CAPN3: variants seen among roughly 807,000 people sequenced by gnomAD.
CAPN3 encodes the protein calpain 3, also known as calpain-3.
A neutral mutation model predicts 114.0 loss-of-function variants in CAPN3; 88 were observed. The ratio of observed to expected loss-of-function variants is 0.77; its 90% CI spans 0.65 to 0.92. The LOEUF is 0.92. CAPN3 is among the 40% of genes least tolerant of loss of function. CAPN3 has a pLI of 0.00. For missense variants in CAPN3, 1,028 were observed against 1,069.0 expected (o/e 0.96, Z 0.53); for synonymous variants, 386 against 382.9 (o/e 1.01, Z -0.09).
At chr15:42,380,751 A>ATATATATATT (rs1436943739) in intron 1 of CAPN3, among the ~76,000 whole-genome samples, 1 of 64,486 alleles carries the variant, frequency 1.6e-5, no homozygotes, top group African/African-American at 9.0e-5. Context: ...ATATATATAT[A>ATATATATATT]TTTTTTTTTT....
intron 1 of CAPN3, among the ~76,000 whole-genome samples, chr15:42,380,751 A>ATATTT (rs1436943739): frequency 4.7e-5 from 3 of 64,458 alleles, no homozygotes; most frequent in African/African-American, 2.7e-4. Context: ...ATATATATAT[A>ATATTT]TTTTTTTTTT....
Position 42,409,778 on chromosome 15 carries a change from C to A in CAPN3, c.1993-9C>A. On this transcript the variant is annotated splice_polypyrimidine_tract_variant and intron_variant, in intron 17 of 23. Coordinates refer to ENST00000397163, the MANE Select transcript of CAPN3 (RefSeq NM_000070.3). ...CTGAACCATGACCCTCCTCTCCCTT[C>A]CTCCTCAGGACATGGAGATCTGTGC... The A allele has an allele frequency of 6.2e-7, 1 of 1,613,118 alleles. No individual in the cohort carries two copies. The highest frequency in any genetic ancestry group is 8.5e-7 in the Non-Finnish European group (1 of 1,179,310).
chr15:42,364,542 A>T (rs1461835215), intron 1 of CAPN3, among the ~76,000 whole-genome samples: 1 of 152,254 alleles, frequency 6.6e-6, no homozygotes, highest in Non-Finnish European at 1.5e-5. Context: ...GTCTAAATGC[A>T]TCCATCCATC....
At position 42,411,924 on chromosome 15, in the gene CAPN3, C is replaced by G. The variant is rs1033361129; in HGVS notation, c.*151C>G. On this transcript the variant is annotated 3_prime_UTR_variant, in exon 24 of 24. Coordinates refer to ENST00000397163, the MANE Select transcript of CAPN3 (RefSeq NM_000070.3). ...CAGTCATGCTCCTCCTCCATTTTAC[C>G]CCCTACCCATCCTTGATCGGTCATG... 3.9e-6 allele frequency: 6 copies of G among 1,553,920 alleles called. No homozygotes were observed. Among genetic ancestry groups the G allele is most frequent in the Middle Eastern group, 1.7e-4 (1 of 5,962 alleles).
intron 1 of CAPN3, among the ~76,000 whole-genome samples, chr15:42,367,918 T>G (rs924066503): frequency 6.6e-6 from 1 of 152,192 alleles, no homozygotes; most frequent in African/African-American, 2.4e-5. Context: ...TGCCTCAGAC[T>G]CTGAGTAGCT....
rs2141203372 is a variant in CAPN3, at chr15:42,402,970, C to T, written c.1713C>T (p.Leu571=). The T allele has an allele frequency of 6.2e-7, 1 of 1,614,210 alleles. No individual in the cohort carries two copies. The highest frequency in any genetic ancestry group is 8.5e-7 in the Non-Finnish European group (1 of 1,180,030). The change falls in exon 13 of 24, where the codon CTC becomes CTT. Residue 571 remains leucine (L), a synonymous_variant. Transcript: ENST00000397163. The part of the protein sequence containing the change: ...YEPHQEGEFI[L]RVFSEKRNLS... ...CCCACCAGGAGGGGGAATTCATCCT[C>T]CGGGTCTTCTCTGAAAAGAGGAACC...
chr15:42,405,215 A>T (rs1184249637), intron 14 of CAPN3, among the ~76,000 whole-genome samples: 1 of 152,198 alleles, frequency 6.6e-6, no homozygotes, highest in Non-Finnish European at 1.5e-5. Context: ...AAAAATTTTT[A>T]AAAAATATTC....
intron 1 of CAPN3, among the ~76,000 whole-genome samples, chr15:42,382,069 A>G (rs2053264439): frequency 6.6e-6 from 1 of 152,138 alleles, no homozygotes; most frequent in African/African-American, 2.4e-5. Context: ...CTTGGTTCAC[A>G]TTTTCTTTCC....
chr15:42,370,761 C>G (rs1050493338), intron 1 of CAPN3, among the ~76,000 whole-genome samples: 1 of 152,158 alleles, frequency 6.6e-6, no homozygotes, highest in African/African-American at 2.4e-5. Flanking sequence ...AGGATATTCC[C>G]ATCATAGGGC....
chr15:42,385,774 G>A (rs1273816542), intron 2 of CAPN3: 1 of 526,764 alleles, frequency 1.9e-6, no homozygotes, highest in Non-Finnish European at 3.8e-6. Flanking sequence ...GAAGTCAGAA[G>A]AGGAATTGGA....
chr15:42,389,911 C>T (rs1595823643), intron 5 of CAPN3, 42 bp from the exon 6 acceptor site: 6 of 1,610,916 alleles, frequency 3.7e-6, no homozygotes, highest in Non-Finnish European at 5.1e-6. Flanking sequence ...TTTGTTCTCT[C>T]CCTCCCCTGT....
Position 42,412,216 on chromosome 15 carries a change from A to AACTC in CAPN3, c.*445_*448dup. 2.0e-6 allele frequency: 3 copies of AACTC among 1,532,558 alleles called. No homozygotes were observed. The highest frequency in any genetic ancestry group is 2.7e-5 in the African/African-American group (2 of 73,082). 94.9% of individuals were successfully genotyped at this position (1,532,558 alleles called of 1,614,324 possible). ...GGGTTCTACTGCTGTGGGGTAAACTAACTCAGTGGAATAGGGCTGGTTACT... is the reference window on the plus strand; with the variant it reads ...GGGTTCTACTGCTGTGGGGTAAACTAACTCACTCAGTGGAATAGGGCTGGTTACT... On this transcript the variant is annotated 3_prime_UTR_variant, in exon 24 of 24. Coordinates refer to ENST00000397163, the MANE Select transcript of CAPN3 (RefSeq NM_000070.3).
intron 9 of CAPN3, among the ~76,000 whole-genome samples, chr15:42,398,648 CAT>C (rs1302149138): frequency 1.0e-4 from 15 of 147,998 alleles, no homozygotes; most frequent in South Asian, 2.1e-4. Flanking sequence ...TATATACACA[CAT>C]ATATATACAC....
At chr15:42,381,911 A>G (rs956719366) in intron 1 of CAPN3, among the ~76,000 whole-genome samples, 4 of 152,186 alleles carry the variant, frequency 2.6e-5, no homozygotes, top group African/African-American at 9.7e-5. Context: ...GTGTCCTTCT[A>G]TACCTGGTTG....
chr15:42,408,197 C>A lies in CAPN3; in HGVS notation c.1801-14C>A. 1 of 1,582,416 alleles carries A rather than the reference C, an allele frequency of 6.3e-7. No homozygotes were observed. The highest frequency in any genetic ancestry group is 8.7e-7 in the Non-Finnish European group (1 of 1,152,294). ...ATCCTCCCTTCCTTCCTGCCTCCTC[C>A]CTCCTCTCTCCAGCCCATCATCTTC... On this transcript the variant is annotated splice_polypyrimidine_tract_variant and intron_variant, in intron 15 of 23. Coordinates refer to ENST00000397163, the MANE Select transcript of CAPN3 (RefSeq NM_000070.3).
At chr15:42,374,027 C>T (rs1176392661) in intron 1 of CAPN3, among the ~76,000 whole-genome samples, 1 of 152,118 alleles carries the variant, frequency 6.6e-6, no homozygotes, top group Non-Finnish European at 1.5e-5. Flanking sequence ...CCTAAAGGTC[C>T]TCAGACCACT....
intron 6 of CAPN3, 26 bp downstream of exon 6, chr15:42,390,122 C>T: frequency 6.2e-7 from 1 of 1,613,794 alleles, no homozygotes; most frequent in Non-Finnish European, 8.5e-7. Flanking sequence ...ATTATCAGAA[C>T]TGACCATCCC....
At chr15:42,396,140 T>C (rs1195134350) in intron 8 of CAPN3, among the ~76,000 whole-genome samples, 1 of 152,158 alleles carries the variant, frequency 6.6e-6, no homozygotes, top group East Asian at 1.9e-4. Context: ...CCTTTTGCAA[T>C]TGAGGAAGCA....
At position 42,401,640 on chromosome 15, in the gene CAPN3, G is replaced by C. The variant is rs747557404; in HGVS notation, c.1355-1G>C. ...TGCGTGCTTCCTTTCTGGGGGTGCA[G>C]ATACTTTCTGGACCAACCCTCAGTA... On this transcript the variant is annotated splice_acceptor_variant, in intron 10 of 23. Transcript: ENST00000397163. LOFTEE classifies it high-confidence loss of function. 2 of 1,614,166 alleles carry C rather than the reference G, an allele frequency of 1.2e-6. No individual in the cohort carries two copies. Among genetic ancestry groups the C allele is most frequent in the Non-Finnish European group, 1.7e-6 (2 of 1,180,028 alleles).
Sources: gnomAD v4.1 joint callset for allele counts (sites outside exome capture counted in the v4.1 genomes callset) on GRCh38, gnomAD v4.1.1 for gene constraint, MANE v1.5 for transcripts, NCBI Gene and HGNC (gene_info 2026-07-23, HGNC 2026-07-21) for gene names.